Variants in KLHL32 observed in about 807,000 individuals in gnomAD.
KLHL32 encodes the protein kelch-like protein 32.
Under a neutral mutation model 64.8 loss-of-function variants are expected in KLHL32, and 35 were observed. That is an observed-to-expected ratio of 0.54 (90% CI 0.41 to 0.72). The LOEUF is 0.72. KLHL32 is among the 30% of genes least tolerant of loss of function. The probability of loss-of-function intolerance (pLI) is 0.00; values close to 1 mark genes in which losing one functional copy is unlikely to be tolerated. For synonymous variants in KLHL32, 259 were observed against 281.0 expected, an observed-to-expected ratio of 0.92 and a Z score of 0.78; for missense variants, 589 against 768.5, an observed-to-expected ratio of 0.77 and a Z score of 2.76.
At chr6:97,037,289 T>C (rs1784438459) in intron 3 of KLHL32, among the ~76,000 whole-genome samples, 1 of 152,030 alleles carries the variant, frequency 6.6e-6, no homozygotes, top group African/African-American at 2.4e-5. Context: ...CATAAAACTC[T>C]CTAATGCAGT....
chr6:97,111,698 C>G (rs1423662599), intron 6 of KLHL32, among the ~76,000 whole-genome samples: 1 of 152,184 alleles, frequency 6.6e-6, no homozygotes, highest in Non-Finnish European at 1.5e-5. Context: ...GGGTCACCCT[C>G]TTGGCACCTG....
At chr6:96,972,558 G>C (rs1191117879) in intron 2 of KLHL32, among the ~76,000 whole-genome samples, 3 of 152,236 alleles carry the variant, frequency 2.0e-5, no homozygotes, top group African/African-American at 7.2e-5. Flanking sequence ...GATGAATTTT[G>C]AGGTGGCAAC....
At chr6:97,091,194 G>A (rs1473066836) in intron 6 of KLHL32, among the ~76,000 whole-genome samples, 2 of 152,218 alleles carry the variant, frequency 1.3e-5, no homozygotes, top group Admixed American at 1.3e-4. Flanking sequence ...GGGCAATAGA[G>A]CGAGACCCTG....
chr6:97,113,620 A>G (rs183617396), intron 6 of KLHL32, among the ~76,000 whole-genome samples, 163 bp from the exon 7 acceptor site: 1 of 152,300 alleles, frequency 6.6e-6, no homozygotes, highest in African/African-American at 2.4e-5. Context: ...AGACGGAAAA[A>G]AAGTTCCTCA....
chr6:97,039,969 A>G (rs371174497), intron 3 of KLHL32, among the ~76,000 whole-genome samples: 14 of 152,326 alleles, frequency 9.2e-5, no homozygotes, highest in African/African-American at 2.6e-4. Flanking sequence ...AATTAAGACT[A>G]TATTAAATTA....
At chr6:97,100,965 G>GTTTTT (rs1562337104) in intron 6 of KLHL32, among the ~76,000 whole-genome samples, 2 of 43,276 alleles carry the variant, frequency 4.6e-5, no homozygotes, top group African/African-American at 1.1e-4. Context: ...CTGCAGCCAA[G>GTTTTT]CTTTTTTTTT....
chr6:96,996,419 A>G (rs1778426981), intron 3 of KLHL32, among the ~76,000 whole-genome samples: 1 of 152,228 alleles, frequency 6.6e-6, no homozygotes, highest in South Asian at 2.1e-4. Flanking sequence ...CATGTATTTT[A>G]TAATCCTACT....
chr6:96,976,108 C>G lies in KLHL32; in HGVS notation c.135C>G (p.Thr45=). 6.2e-7 allele frequency: 1 copy of G among 1,608,096 alleles called. No homozygotes were observed. The highest frequency in any genetic ancestry group is 8.5e-7 in the Non-Finnish European group (1 of 1,175,702). Residue 45 remains threonine, a synonymous_variant, in exon 3 of 11, where the codon ACC becomes ACG. Coordinates refer to ENST00000369261, the MANE Select transcript of KLHL32 (RefSeq NM_052904.4). ...GTGATGGCATCCTCTGCGACATCAC[C>G]CTGATTGCTGAGGAACAGAAATTCC... ...QRSDGILCDI[T]LIAEEQKFHA...
rs187112624 is a variant in KLHL32, at chr6:96,957,807, G to C, written c.-65-9189G>C. On this transcript the variant is annotated intron_variant, in intron 1 of 10. Coordinates refer to ENST00000369261, the MANE Select transcript of KLHL32 (RefSeq NM_052904.4). ...CCAGCTGTATTCATGAGGGTGACTA[G>C]ATACCTTATCCTTATTCTTATATAA... Among the ~76,000 whole-genome samples the C allele has an allele frequency of 7.2e-5, 11 of 152,308 alleles. No individual in the cohort carries two copies. In the East Asian group the frequency reaches 1.9e-3, roughly 27 times the overall value.
intron 6 of KLHL32, among the ~76,000 whole-genome samples, chr6:97,100,296 AG>A (rs1562336322): frequency 6.6e-6 from 1 of 152,216 alleles, no homozygotes; most frequent in Non-Finnish European, 1.5e-5. Context: ...TTTCAACATC[AG>A]TAGCCAGACT....
the KLHL32 span, among the ~76,000 whole-genome samples, chr6:96,906,898 A>G: frequency 6.6e-6 from 1 of 152,194 alleles, no homozygotes; most frequent in Non-Finnish European, 1.5e-5. Flanking sequence ...TAGCTCTTAT[A>G]TGTCCAGAGA....
intron 1 of KLHL32, among the ~76,000 whole-genome samples, chr6:96,950,181 T>C (rs752105983): frequency 6.6e-6 from 1 of 152,096 alleles, no homozygotes. Flanking sequence ...ACATTTTTAA[T>C]GACAGAGGCA....
intron 3 of KLHL32, among the ~76,000 whole-genome samples, chr6:97,039,332 A>G (rs1458097585): frequency 6.6e-6 from 1 of 152,180 alleles, no homozygotes; most frequent in Non-Finnish European, 1.5e-5. Flanking sequence ...AGAGCTAAAA[A>G]AAGTGAATCT....
intron 3 of KLHL32, among the ~76,000 whole-genome samples, chr6:97,030,536 T>A (rs747661119): frequency 3.3e-5 from 5 of 152,250 alleles, no homozygotes; most frequent in Non-Finnish European, 7.3e-5. Flanking sequence ...TGAGCTGTGA[T>A]GACTGTAAAT....
At chr6:96,915,307 C>G in the KLHL32 span, among the ~76,000 whole-genome samples, 1 of 152,088 alleles carries the variant, frequency 6.6e-6, no homozygotes, top group Non-Finnish European at 1.5e-5. Flanking sequence ...AATAGCTGTT[C>G]TGGGCATGGT....
chr6:97,061,425 A>G (rs1425179629), intron 4 of KLHL32, among the ~76,000 whole-genome samples: 1 of 149,210 alleles, frequency 6.7e-6, no homozygotes, highest in Non-Finnish European at 1.5e-5. Flanking sequence ...TTATTAAGAC[A>G]TTTTGTCTTG....
intron 3 of KLHL32, among the ~76,000 whole-genome samples, chr6:96,978,193 A>G (rs1287641132): frequency 3.9e-5 from 6 of 152,002 alleles, no homozygotes; most frequent in African/African-American, 7.2e-5. Flanking sequence ...TTGTTATGTC[A>G]GTAAATTATG....
chr6:97,056,944 G>C (rs1240568208), intron 4 of KLHL32, among the ~76,000 whole-genome samples: 1 of 152,020 alleles, frequency 6.6e-6, no homozygotes, highest in Non-Finnish European at 1.5e-5. Context: ...AACTGCCAGA[G>C]ACAAATATGT....
intron 5 of KLHL32, among the ~76,000 whole-genome samples, chr6:97,069,817 CTTCGGGGA>C (rs1356278656): frequency 1.3e-5 from 2 of 151,988 alleles, no homozygotes; most frequent in African/African-American, 2.4e-5. Context: ...AAAATACTTT[CTTCGGGGA>C]TTAAATTTGA....
Sources: allele counts gnomAD v4.1 joint callset (sites outside exome capture counted in the v4.1 genomes callset), GRCh38; gene constraint gnomAD v4.1.1; transcripts MANE v1.5; gene names NCBI Gene and HGNC (gene_info 2026-07-23, HGNC 2026-07-21).